CIMAP1C: variants seen among roughly 807,000 people sequenced by gnomAD.
CIMAP1C encodes the protein ciliary microtubule associated protein 1C.
chr15:75,726,031 C>T, the CIMAP1C span: 1 of 1,525,846 alleles, frequency 6.6e-7, no homozygotes, highest in South Asian at 1.1e-5. Context: ...TGGGGCTGAC[C>T]AGGCCCTCTC....
chr15:75,726,102 C>T, the CIMAP1C span: 85 of 1,613,844 alleles, frequency 5.3e-5, no homozygotes, highest in Non-Finnish European at 7.2e-5. Context: ...TCTCTTGGAT[C>T]CCAAAATAAC....
chr15:75,727,259 C>G, the CIMAP1C span: 3 of 1,614,202 alleles, frequency 1.9e-6, no homozygotes, highest in Non-Finnish European at 2.5e-6. Flanking sequence ...CTGCTACAGT[C>G]TGGCCTCCAG....
the CIMAP1C span, among the ~76,000 whole-genome samples, chr15:75,724,633 C>A: frequency 6.6e-6 from 1 of 152,238 alleles, no homozygotes; most frequent in South Asian, 2.1e-4. Flanking sequence ...TTGGTAATGA[C>A]TGACTAGTGC....
the CIMAP1C span, chr15:75,725,132 G>C: frequency 6.2e-7 from 1 of 1,614,014 alleles, no homozygotes; most frequent in Non-Finnish European, 8.5e-7. Context: ...AAGTACCTCC[G>C]GCCATCCTGC....
the CIMAP1C span, chr15:75,725,072 G>A: frequency 1.3e-5 from 19 of 1,453,862 alleles, no homozygotes; most frequent in Non-Finnish European, 1.7e-5. Context: ...TGACCTGGTG[G>A]GCCCAGGCTG....
chr15:75,724,855 G>C, the CIMAP1C span, among the ~76,000 whole-genome samples: 16 of 152,218 alleles, frequency 1.1e-4, no homozygotes, highest in Non-Finnish European at 2.4e-4. Flanking sequence ...TGGAGAACCT[G>C]GAGCAGAATA....
the CIMAP1C span, chr15:75,725,153 T>C: frequency 9.9e-6 from 16 of 1,613,954 alleles, no homozygotes; most frequent in East Asian, 2.2e-5. Flanking sequence ...ACGGGCTACA[T>C]AGATCATGAC....
chr15:75,724,497 G>A, the CIMAP1C span, among the ~76,000 whole-genome samples: 1 of 152,246 alleles, frequency 6.6e-6, no homozygotes, highest in East Asian at 1.9e-4. Context: ...GGGGGAGGAG[G>A]GGAGCATGGG....
the CIMAP1C span, among the ~76,000 whole-genome samples, chr15:75,726,895 T>C: frequency 6.6e-6 from 1 of 152,164 alleles, no homozygotes; most frequent in East Asian, 1.9e-4. Flanking sequence ...ATTGCAGGTG[T>C]GAGCCACCGC....
At chr15:75,725,739 C>A in the CIMAP1C span, among the ~76,000 whole-genome samples, 1 of 152,196 alleles carries the variant, frequency 6.6e-6, no homozygotes, top group African/African-American at 2.4e-5. Context: ...CAAGGTAAGC[C>A]CCTGGCCTGG....
chr15:75,725,204 G>C, the CIMAP1C span: 1 of 1,612,616 alleles, frequency 6.2e-7, no homozygotes, highest in East Asian at 2.2e-5. Flanking sequence ...CTGCATAGCC[G>C]GCACTCAGAG....
the CIMAP1C span, chr15:75,726,171 C>A: frequency 4.6e-6 from 7 of 1,506,182 alleles, no homozygotes; most frequent in Admixed American, 1.7e-5. Flanking sequence ...CTCCAACCTG[C>A]GTAAGATGGG....
At chr15:75,727,312 T>A in the CIMAP1C span, 3 of 1,614,026 alleles carry the variant, frequency 1.9e-6, no homozygotes, top group Non-Finnish European at 2.5e-6. Flanking sequence ...CAGGAGGCCC[T>A]GGACCTACCA....
At chr15:75,725,386 C>T in the CIMAP1C span, among the ~76,000 whole-genome samples, 2 of 152,232 alleles carry the variant, frequency 1.3e-5, no homozygotes, top group Non-Finnish European at 2.9e-5. Flanking sequence ...ACTCCATGGG[C>T]ATCCCCTAGC....
At chr15:75,727,029 G>A in the CIMAP1C span, 6 of 1,595,962 alleles carry the variant, frequency 3.8e-6, no homozygotes, top group Non-Finnish European at 5.1e-6. Context: ...CCTGCTCTGA[G>A]AGCCCTCCCT....
At chr15:75,725,497 C>T in the CIMAP1C span, among the ~76,000 whole-genome samples, 5 of 152,188 alleles carry the variant, frequency 3.3e-5, no homozygotes, top group African/African-American at 9.7e-5. Flanking sequence ...CAGCTCCGGT[C>T]GCCATGCTCT....
the CIMAP1C span, chr15:75,727,462 G>A: frequency 1.2e-6 from 2 of 1,613,742 alleles, no homozygotes; most frequent in South Asian, 1.1e-5. Context: ...CTGTGCACAA[G>A]CCCCACATCC....
the CIMAP1C span, chr15:75,727,041 C>T: frequency 3.6e-3 from 5,787 of 1,603,698 alleles, 144 homozygotes; most frequent in African/African-American, 0.056. Flanking sequence ...GCCCTCCCTT[C>T]CCGCCACTCC....
At chr15:75,725,665 C>G in the CIMAP1C span, among the ~76,000 whole-genome samples, 1 of 152,134 alleles carries the variant, frequency 6.6e-6, no homozygotes, top group Non-Finnish European at 1.5e-5. Context: ...TGGTGGCGTG[C>G]ACCCGGGGGT....
Sources: gnomAD v4.1 joint callset for allele counts (sites outside exome capture counted in the v4.1 genomes callset) on GRCh38, gnomAD v4.1.1 for gene constraint, MANE v1.5 for transcripts, NCBI Gene and HGNC (gene_info 2026-07-23, HGNC 2026-07-21) for gene names.